The following FAM170A variants were observed in gnomAD, a reference collection of about 807,000 sequenced individuals.
The protein encoded by FAM170A is protein FAM170A.
FAM170A carries 28 observed loss-of-function variants against 36.6 expected under a neutral mutation model. The ratio of observed to expected loss-of-function variants is 0.76; its 90% CI spans 0.57 to 1.05. The LOEUF is 1.05. Among genes scored for constraint, FAM170A ranks in the 50% least tolerant of loss-of-function variants. The pLI is 0.00. For synonymous variants in FAM170A, 156 were observed against 143.9 expected, an observed-to-expected ratio of 1.08 and a Z score of -0.60; for missense variants, 434 against 396.5, an observed-to-expected ratio of 1.09 and a Z score of -0.80.
rs1409612024 is a variant in FAM170A, at chr5:119,631,061, A to T, written c.70+1223A>T. Among the ~76,000 whole-genome samples, 4 of 152,208 alleles carry T rather than the reference A, an allele frequency of 2.6e-5. No individual in the cohort carries two copies. The East Asian group carries it at 7.7e-4, about 29-fold the overall frequency. ...GGACTTCCCAGAGGAAATGAAGCAC[A>T]GGGTAAGGGCCTCAGATCGCTGTCA... On this transcript the variant is annotated intron_variant, in intron 1 of 4. Coordinates refer to ENST00000613773, the Ensembl canonical transcript of FAM170A.
chr5:119,632,999 C>T, intron 2 of FAM170A, 111 bp downstream of exon 2: 1 of 1,258,568 alleles, frequency 7.9e-7, no homozygotes, highest in South Asian at 1.6e-5. Flanking sequence ...GGTTGCAGTG[C>T]TGCTTGGGTG....
At chr5:119,634,362 G>T in exon 3 of FAM170A, 2 of 1,614,178 alleles carry the variant, frequency 1.2e-6, no homozygotes, top group Non-Finnish European at 1.7e-6. Context: ...AGCCTGCCAG[G>T]CTCACCCACC....
chr5:119,632,704 A>G (rs533756496), intron 1 of FAM170A, 44 bp from the exon 2 acceptor site: 2 of 1,489,786 alleles, frequency 1.3e-6, no homozygotes, highest in African/African-American at 1.4e-5. Flanking sequence ...ATGCACAAAC[A>G]TTACCCATCC....
chr5:119,630,743 T>C (rs1204016314), intron 1 of FAM170A, among the ~76,000 whole-genome samples: 1 of 152,204 alleles, frequency 6.6e-6, no homozygotes, highest in Non-Finnish European at 1.5e-5. Context: ...AGCCTGAGTC[T>C]CATCTTTCTC....
exon 3 of FAM170A, chr5:119,634,678 G>A (rs374265918): frequency 2.0e-5 from 32 of 1,573,132 alleles, no homozygotes; most frequent in Non-Finnish European, 2.7e-5. Flanking sequence ...ACCTTGGCCT[G>A]AGGAGATCCT....
exon 3 of FAM170A, chr5:119,634,450 C>T (rs774157123): frequency 1.2e-6 from 2 of 1,614,168 alleles, no homozygotes; most frequent in Non-Finnish European, 1.7e-6. Flanking sequence ...TGGCCTGCTG[C>T]CGGGTGTTCA....
chr5:119,635,696 C>G lies in FAM170A; in HGVS notation c.*53-4C>G, dbSNP rs1401495202. ...TCTGCCTCAATTGTTTTCTTCACTTCCAGGGAGAAGAAAGAGCCATGGAGA... is the reference window on the plus strand; with the variant it reads ...TCTGCCTCAATTGTTTTCTTCACTTGCAGGGAGAAGAAAGAGCCATGGAGA... On this transcript the variant is annotated splice_region_variant and splice_polypyrimidine_tract_variant and intron_variant, in intron 4 of 4. Transcript: ENST00000613773. The G allele has an allele frequency of 6.5e-6, 1 of 154,524 alleles. No individual in the cohort carries two copies. The highest frequency in any genetic ancestry group is 2.4e-5 in the African/African-American group (1 of 41,460). 9.6% of individuals were successfully genotyped at this position (154,524 alleles called of 1,614,324 possible). A position where few individuals can be genotyped will look rare whatever the true frequency, so the allele number is the denominator to read the frequency against.
chr5:119,633,887 A>G (rs1337399450), intron 2 of FAM170A, 73 bp from the exon 3 acceptor site: 1 of 1,539,810 alleles, frequency 6.5e-7, no homozygotes, highest in Non-Finnish European at 8.8e-7. Context: ...TGCACCACAC[A>G]TATTTAACTT....
intron 1 of FAM170A, among the ~76,000 whole-genome samples, chr5:119,630,803 G>T (rs1561523266): frequency 6.6e-6 from 1 of 152,220 alleles, no homozygotes; most frequent in African/African-American, 2.4e-5. Context: ...GGTGGAAGGT[G>T]TGAAGGGTGC....
At chr5:119,631,673 C>A (rs1488423572) in intron 1 of FAM170A, among the ~76,000 whole-genome samples, 2 of 152,142 alleles carry the variant, frequency 1.3e-5, no homozygotes, top group Non-Finnish European at 2.9e-5. Context: ...ATTACATACT[C>A]ACACAACCCA....
At chr5:119,634,531 T>G in exon 3 of FAM170A, 1 of 1,613,496 alleles carries the variant, frequency 6.2e-7, no homozygotes, top group Non-Finnish European at 8.5e-7. Flanking sequence ...ACGTCTTTCA[T>G]CTCACCATGG....
At chr5:119,632,607 C>G (rs959202159) in intron 1 of FAM170A, 141 bp from the exon 2 acceptor site, 1 of 674,076 alleles carries the variant, frequency 1.5e-6, no homozygotes, top group Non-Finnish European at 2.4e-6. Context: ...CTGGAGTATC[C>G]ACCAGAAGCC....
Position 119,633,955 on chromosome 5 carries a change from C to A in FAM170A, c.212-5C>A, listed in dbSNP as rs759641749. On this transcript the variant is annotated splice_polypyrimidine_tract_variant and splice_region_variant and intron_variant, in intron 2 of 4. Transcript: ENST00000613773. Reference sequence around the variant, plus strand: ...TCTGCTCATGTTTCTAATTTCCTTTCCCAGGAATCCAGAGAATACATCGAG... The same window carrying A: ...TCTGCTCATGTTTCTAATTTCCTTTACCAGGAATCCAGAGAATACATCGAG... 2.2e-5 allele frequency: 35 copies of A among 1,601,918 alleles called. No homozygotes were observed. The African/African-American group carries it at 4.2e-4, about 19-fold the overall frequency.
chr5:119,633,881 C>G (rs1756311246), intron 2 of FAM170A, 79 bp from the exon 3 acceptor site: 1 of 1,529,040 alleles, frequency 6.5e-7, no homozygotes, highest in East Asian at 2.3e-5. Flanking sequence ...GTCTCCTGCA[C>G]CACACATATT....
chr5:119,635,170 G>C lies in FAM170A; in HGVS notation c.*52+84G>C. The C allele has an allele frequency of 3.2e-6, 3 of 943,072 alleles. No individual in the cohort carries two copies. The South Asian group carries it at 4.1e-5, about 13-fold the overall frequency. 58.4% of individuals were successfully genotyped at this position (943,072 alleles called of 1,614,324 possible). A position where few individuals can be genotyped will look rare whatever the true frequency, so the allele number is the denominator to read the frequency against. ...AGGGAAGGAGCTGCAGGGATGCACT[G>C]GGTCACCTGGTGGCTCTGCAGCCAC... is the stretch of plus-strand genomic sequence containing the variant. On this transcript the variant is annotated intron_variant, in intron 4 of 4. Coordinates refer to ENST00000613773, the Ensembl canonical transcript of FAM170A.
Position 119,634,736 on chromosome 5 carries a change from T to C in FAM170A, c.986+2T>C. On this transcript the variant is annotated splice_donor_variant, in intron 3 of 4. Transcript: ENST00000613773. LOFTEE classifies it high-confidence loss of function. ...GTTTCATTCTCCAAAGGACAGGAAG[T>C]GAGCAAAGCCTGGGTTGTGGGTCTG... 1 of 1,532,190 alleles carries C rather than the reference T, an allele frequency of 6.5e-7. No homozygotes were observed. The highest frequency in any genetic ancestry group is 8.8e-7 in the Non-Finnish European group (1 of 1,142,230). The allele number at this position is 1,532,190 out of a possible 1,614,324, so 94.9% of individuals were successfully genotyped here.
intron 1 of FAM170A, among the ~76,000 whole-genome samples, chr5:119,630,116 C>A (rs1359071326): frequency 6.8e-6 from 1 of 146,448 alleles, no homozygotes; most frequent in African/African-American, 2.6e-5. Context: ...TGGTCTCGAT[C>A]TCCTGACCTC....
exon 3 of FAM170A, chr5:119,633,993 C>A (rs1347764911): frequency 1.9e-6 from 3 of 1,613,824 alleles, no homozygotes; most frequent in African/African-American, 2.7e-5. Flanking sequence ...AGCCCCCAGC[C>A]TCAATCACCC....
intron 2 of FAM170A, 147 bp from the exon 3 acceptor site, chr5:119,633,813 C>T: frequency 9.6e-7 from 1 of 1,043,960 alleles, no homozygotes; most frequent in Non-Finnish European, 1.4e-6. Flanking sequence ...ATCACTACCC[C>T]ACAATATGAA....
Sources: gnomAD v4.1 joint callset for allele counts (sites outside exome capture counted in the v4.1 genomes callset) on GRCh38, gnomAD v4.1.1 for gene constraint, MANE v1.5 for transcripts, NCBI Gene and HGNC (gene_info 2026-07-23, HGNC 2026-07-21) for gene names.